Variants in ITSN1 observed in about 807,000 individuals in gnomAD.
ITSN1 encodes intersectin 1.
ITSN1 carries 58 observed loss-of-function variants against 239.8 expected under a neutral mutation model. The ratio of observed to expected loss-of-function variants is 0.24; its 90% CI spans 0.20 to 0.30. ITSN1 has a LOEUF of 0.30. Ranked by LOEUF, ITSN1 falls within the 10% of genes least tolerant of loss-of-function variation. The pLI, the probability that ITSN1 is intolerant of heterozygous loss-of-function variation, is 1.00. For missense variants in ITSN1, 1,558 were observed against 2,103.3 expected (o/e 0.74, Z 5.07); for synonymous variants, 780 against 770.8 (o/e 1.01, Z -0.20).
chr21:33,826,412 T>C (rs903181847), intron 25 of ITSN1, among the ~76,000 whole-genome samples: 2 of 152,234 alleles, frequency 1.3e-5, no homozygotes, highest in Admixed American at 1.3e-4. Flanking sequence ...TCGTGAGTTA[T>C]ATTCCCTGTA....
chr21:33,713,471 T>C (rs968479079), intron 1 of ITSN1, among the ~76,000 whole-genome samples: 2 of 152,000 alleles, frequency 1.3e-5, no homozygotes, highest in African/African-American at 2.4e-5. Context: ...CTCAATCTGC[T>C]GACCTCATGA....
At chr21:33,871,525 C>T (rs576600252) in intron 33 of ITSN1, among the ~76,000 whole-genome samples, 15 of 152,072 alleles carry the variant, frequency 9.9e-5, no homozygotes, top group Non-Finnish European at 1.6e-4. Context: ...AGGCAGATCC[C>T]GAGGTCAAGA....
chr21:33,681,928 A>C (rs1050503252), intron 1 of ITSN1, among the ~76,000 whole-genome samples: 3 of 151,866 alleles, frequency 2.0e-5, no homozygotes, highest in Non-Finnish European at 2.9e-5. Context: ...TCGGCCTCCC[A>C]AAGTGCTGGG....
intron 33 of ITSN1, among the ~76,000 whole-genome samples, chr21:33,871,661 A>T (rs1358212969): frequency 6.6e-6 from 1 of 151,850 alleles, no homozygotes; most frequent in African/African-American, 2.4e-5. Flanking sequence ...GAATTGCTTA[A>T]ACCCACGAGG....
Position 33,841,925 on chromosome 21 carries a change from TTC to T in ITSN1, c.3661+5297_3661+5298del, listed in dbSNP as rs199806916. On this transcript the variant is annotated intron_variant, in intron 29 of 39. Transcript: ENST00000381318. ...TGTGAATGTTCCGCTTCAGCCAGAG[TTC>T]TCTTGGGCACTTTTTTTTTTTTTTT... 7.7e-3 allele frequency among the ~76,000 whole-genome samples: 1,154 copies of T among 149,616 alleles called. 42 individuals carry two copies. The highest frequency in any genetic ancestry group is 0.057 in the Admixed American group (853 of 15,024).
At chr21:33,669,630 T>TG (rs1247123124) in intron 1 of ITSN1, among the ~76,000 whole-genome samples, 5 of 151,784 alleles carry the variant, frequency 3.3e-5, no homozygotes, top group Admixed American at 3.3e-4. Context: ...TTAGTAGACA[T>TG]GGGGGTTTCA....
chr21:33,706,956 C>T (rs1182368443), intron 1 of ITSN1, among the ~76,000 whole-genome samples: 2 of 152,078 alleles, frequency 1.3e-5, no homozygotes. Flanking sequence ...CTCCTGACCT[C>T]AAGTGATCCA....
At chr21:33,834,556 TG>T in intron 28 of ITSN1, 132 bp downstream of exon 28, 1 of 681,940 alleles carries the variant, frequency 1.5e-6, no homozygotes, top group Non-Finnish European at 2.6e-6. Flanking sequence ...TTGCTGGGAC[TG>T]ACACCCAACT....
intron 4 of ITSN1, among the ~76,000 whole-genome samples, chr21:33,732,089 A>G (rs2147224678): frequency 6.6e-6 from 1 of 152,314 alleles, no homozygotes; most frequent in Middle Eastern, 3.4e-3. Flanking sequence ...ATTTCATTGA[A>G]AGAGTTATTA....
intron 1 of ITSN1, among the ~76,000 whole-genome samples, chr21:33,658,664 A>G (rs1439088100): frequency 1.3e-5 from 2 of 152,180 alleles, no homozygotes; most frequent in African/African-American, 2.4e-5. Flanking sequence ...TAAAACTTCA[A>G]TACATCTAGA....
chr21:33,726,928 T>C (rs2065866590), intron 4 of ITSN1, among the ~76,000 whole-genome samples: 1 of 152,272 alleles, frequency 6.6e-6, no homozygotes, highest in Non-Finnish European at 1.5e-5. Flanking sequence ...TGATACGAAC[T>C]GATGGACAGT....
intron 16 of ITSN1, among the ~76,000 whole-genome samples, chr21:33,785,427 G>A (rs966865843): frequency 1.3e-5 from 2 of 151,916 alleles, no homozygotes; most frequent in African/African-American, 2.4e-5. Context: ...TATAGGAAGC[G>A]TATTTAGTCA....
intron 22 of ITSN1, chr21:33,817,437 A>G (rs1387606399): frequency 7.7e-7 from 1 of 1,304,344 alleles, no homozygotes; most frequent in Non-Finnish European, 1.0e-6. Flanking sequence ...CCTCTGTGAA[A>G]TTTACGCTGA....
rs1986512517 is a variant in ITSN1, at chr21:33,893,622, C to T, written c.*5322C>T. On this transcript the variant is annotated 3_prime_UTR_variant, in exon 40 of 40. Transcript: ENST00000381318. ...ACAAAAAAAGAGCTAATGCAGACCT[C>T]TTCTGGTTAGACCTGACACGGAGGA... 6.6e-6 allele frequency: 1 copy of T among 152,206 alleles called. No individual in the cohort carries two copies. The highest frequency in any genetic ancestry group is 2.4e-5 in the African/African-American group (1 of 41,444). 9.4% of individuals were successfully genotyped at this position (152,206 alleles called of 1,614,324 possible).
rs541737053 is a variant in ITSN1, at chr21:33,748,406, G to A, written c.347-1737G>A. On this transcript the variant is annotated intron_variant, in intron 5 of 39. Coordinates refer to ENST00000381318, the MANE Select transcript of ITSN1 (RefSeq NM_003024.3). ...CAAGGTTACAGTGAGCTGTGATCAC[G>A]TGACTGTACTTCAGCCTGGGTGAGA... Among the ~76,000 whole-genome samples, 4 of 152,168 alleles carry A rather than the reference G, an allele frequency of 2.6e-5. No individual in the cohort carries two copies. In the South Asian group the frequency reaches 8.3e-4, roughly 32 times the overall value.
At chr21:33,846,523 T>C (rs140618400) in intron 29 of ITSN1, among the ~76,000 whole-genome samples, 2 of 152,334 alleles carry the variant, frequency 1.3e-5, no homozygotes, top group Non-Finnish European at 2.9e-5. Context: ...TTGCCTTGTG[T>C]AGTTGTCTTA....
intron 4 of ITSN1, among the ~76,000 whole-genome samples, chr21:33,733,024 A>G (rs1287541146): frequency 6.6e-6 from 1 of 152,172 alleles, no homozygotes; most frequent in Admixed American, 6.5e-5. Context: ...ATCCCCTTCT[A>G]AGGCAGTTTT....
intron 20 of ITSN1, among the ~76,000 whole-genome samples, chr21:33,804,356 A>G (rs926213013): frequency 6.6e-6 from 1 of 152,246 alleles, no homozygotes; most frequent in African/African-American, 2.4e-5. Flanking sequence ...ATATAGCACT[A>G]TTCTCAGCAC....
rs1308426828 is a variant in ITSN1 at position 33,875,407 on chromosome 21, C to T, written c.4227C>T (p.Ala1409=). ...CGGACCACAGCCACTTGAAGCACGC[C>T]CTGGAGAAGGCGGAAGAGCTCTGTT... is the stretch of plus-strand genomic sequence containing the variant. The part of the protein sequence containing the change: ...NHPDHSHLKH[A]LEKAEELCSQ... Residue 1409 remains alanine (A), a synonymous_variant, in exon 34 of 40, where the codon GCC becomes GCT. Transcript: ENST00000381318. 3.1e-6 allele frequency: 5 copies of T among 1,614,080 alleles called. No homozygotes were observed. Among genetic ancestry groups the T allele is most frequent in the Non-Finnish European group, 3.4e-6 (4 of 1,179,996 alleles).
Sources: allele counts gnomAD v4.1 joint callset (sites outside exome capture counted in the v4.1 genomes callset), GRCh38; gene constraint gnomAD v4.1.1; transcripts MANE v1.5; gene names NCBI Gene and HGNC (gene_info 2026-07-23, HGNC 2026-07-21).